The following ANK3 variants were observed in gnomAD, a reference collection of about 807,000 sequenced individuals.
The protein encoded by ANK3 is ankyrin 3.
In ANK3, 57 loss-of-function variants were observed where a neutral mutation model predicts 370.9. That is an observed-to-expected ratio of 0.15 (90% CI 0.12 to 0.19). The LOEUF (loss-of-function observed/expected upper bound fraction) is 0.19, where lower values mean the gene tolerates loss of function less well. Among genes scored for constraint, ANK3 ranks in the 10% least tolerant of loss-of-function variants. ANK3 has a pLI of 1.00. For missense variants in ANK3, 4,439 were observed against 5,302.1 expected, an observed-to-expected ratio of 0.84 and a Z score of 5.06; for synonymous variants, 1,929 against 1,946.3, an observed-to-expected ratio of 0.99 and a Z score of 0.23.
intron 2 of ANK3, among the ~76,000 whole-genome samples, chr10:60,453,989 TAAGTTA>T (rs941656787): frequency 3.3e-5 from 5 of 152,236 alleles, no homozygotes; most frequent in African/African-American, 1.2e-4. Context: ...CTCAACATTT[TAAGTTA>T]AACAATGAAT....
rs75930344 is a variant in ANK3, at chr10:60,446,705, G to C, written c.97-167066C>G. Among the ~76,000 whole-genome samples, 965 of 152,240 alleles carry C rather than the reference G, an allele frequency of 6.3e-3. 20 individuals carry two copies. In the East Asian group the frequency reaches 0.073, roughly 11 times the overall value. On this transcript the variant is annotated intron_variant, in intron 2 of 43. Coordinates refer to the ANK3 transcript ENST00000373827. The stretch of plus-strand genomic sequence containing the variant: ...AGCAATGCCAAGGTTGCTTTCAAAG[G>C]AGCTCCAACTTAAAAAGTTTATTTG...
intron 8 of ANK3, among the ~76,000 whole-genome samples, chr10:60,226,554 A>ACTAT (rs1403236363): frequency 1.9e-4 from 4 of 21,208 alleles, no homozygotes; most frequent in South Asian, 5.3e-3. Context: ...TATATACTAT[A>ACTAT]GTATATATAC....
At chr10:60,249,234 AG>A (rs956940501) in intron 7 of ANK3, among the ~76,000 whole-genome samples, 5 of 152,368 alleles carry the variant, frequency 3.3e-5, no homozygotes, top group Admixed American at 3.3e-4. Context: ...CTCTACTTTG[AG>A]GAAAGTTATT....
At chr10:60,434,304 T>C (rs2064103934) in intron 2 of ANK3, among the ~76,000 whole-genome samples, 1 of 152,212 alleles carries the variant, frequency 6.6e-6, no homozygotes, top group Admixed American at 6.5e-5. Flanking sequence ...CCCTATAGCA[T>C]AGCCCATGTT....
intron 2 of ANK3, among the ~76,000 whole-genome samples, chr10:60,560,562 G>T (rs928805939): frequency 1.3e-5 from 2 of 152,144 alleles, no homozygotes; most frequent in Non-Finnish European, 2.9e-5. Flanking sequence ...AAGACATAGA[G>T]AACAGTTACG....
intron 38 of ANK3, among the ~76,000 whole-genome samples, chr10:60,065,868 A>C (rs570795763): frequency 6.6e-6 from 1 of 152,330 alleles, no homozygotes; most frequent in Admixed American, 6.5e-5. Context: ...AACCACCATC[A>C]TAAGGTACAT....
intron 2 of ANK3, among the ~76,000 whole-genome samples, chr10:60,410,636 A>G (rs2063539832): frequency 6.6e-6 from 1 of 151,950 alleles, no homozygotes; most frequent in Non-Finnish European, 1.5e-5. Context: ...GACATGTGGC[A>G]CCTCCAGGCC....
At chr10:60,528,602 T>G (rs1388497084) in intron 2 of ANK3, among the ~76,000 whole-genome samples, 1 of 152,162 alleles carries the variant, frequency 6.6e-6, no homozygotes, top group Non-Finnish European at 1.5e-5. Context: ...TATATGCATT[T>G]CATATGGTTC....
intron 7 of ANK3, among the ~76,000 whole-genome samples, chr10:60,243,917 C>A (rs1046226440): frequency 6.6e-6 from 1 of 152,092 alleles, no homozygotes; most frequent in Non-Finnish European, 1.5e-5. Flanking sequence ...GGATCAGGAG[C>A]AGCTGAGAGG....
intron 25 of ANK3, among the ~76,000 whole-genome samples, chr10:60,120,127 G>A (rs2093374647): frequency 6.6e-6 from 1 of 152,026 alleles, no homozygotes; most frequent in Non-Finnish European, 1.5e-5. Flanking sequence ...ATAGATCAGT[G>A]GAACACAATA....
At chr10:60,338,639 C>T (rs1000453824) in intron 1 of ANK3, among the ~76,000 whole-genome samples, 8 of 152,098 alleles carry the variant, frequency 5.3e-5, no homozygotes. Flanking sequence ...GAACTATTGC[C>T]TCCCCAATTC....
intron 2 of ANK3, among the ~76,000 whole-genome samples, chr10:60,436,975 T>C (rs1224555269): frequency 6.6e-6 from 1 of 152,208 alleles, no homozygotes; most frequent in Non-Finnish European, 1.5e-5. Context: ...CTTCATCTAG[T>C]CTGTTGTAGA....
In ANK3 at chr10:60,213,513, G is replaced by T; in HGVS notation, c.898-3C>A. On this transcript the variant is annotated splice_polypyrimidine_tract_variant and splice_region_variant and intron_variant, in intron 8 of 43. Coordinates refer to ENST00000280772, the MANE Select transcript of ANK3 (RefSeq NM_020987.5). ...CAGTGCAGTGGTGTCAGACCATCCT[G>T]TTGAACAAAGGAAACATCACCAATT... The T allele has an allele frequency of 1.3e-6, 2 of 1,582,206 alleles. No individual in the cohort carries two copies. Among genetic ancestry groups the T allele is most frequent in the Non-Finnish European group, 1.7e-6 (2 of 1,158,786 alleles).
At chr10:60,091,985 T>A (rs2088641455) in intron 28 of ANK3, among the ~76,000 whole-genome samples, 1 of 152,160 alleles carries the variant, frequency 6.6e-6, no homozygotes, top group African/African-American at 2.4e-5. Context: ...CACCTCAGCC[T>A]CCCAAAGTGC....
chr10:60,038,814 C>T (rs908118252), intron 43 of ANK3, among the ~76,000 whole-genome samples: 3 of 152,132 alleles, frequency 2.0e-5, no homozygotes, highest in Non-Finnish European at 4.4e-5. Context: ...AAAGATCATG[C>T]ACTGATCTAT....
At chr10:60,660,327 G>C (rs984138826) in intron 1 of ANK3, among the ~76,000 whole-genome samples, 1 of 152,100 alleles carries the variant, frequency 6.6e-6, no homozygotes, top group South Asian at 2.1e-4. Context: ...AGGCACTAAG[G>C]ATGCAGAGAG....
At chr10:60,406,720 A>G (rs1405225891) in intron 2 of ANK3, among the ~76,000 whole-genome samples, 1 of 152,250 alleles carries the variant, frequency 6.6e-6, no homozygotes, top group Non-Finnish European at 1.5e-5. Context: ...GGACTGACTT[A>G]GAGTCAAATT....
intron 2 of ANK3, among the ~76,000 whole-genome samples, chr10:60,548,632 A>G (rs2077024680): frequency 6.6e-6 from 1 of 152,114 alleles, no homozygotes; most frequent in Admixed American, 6.6e-5. Flanking sequence ...TACAGACTTA[A>G]GTAGTTAAAT....
chr10:60,469,285 GTGTA>G (rs375212815), intron 2 of ANK3, among the ~76,000 whole-genome samples: 1 of 22 alleles, frequency 0.045, no homozygotes, highest in African/African-American at 0.1. Context: ...TTTTTAGTGT[GTGTA>G]TATATATATA....
Sources: allele counts gnomAD v4.1 joint callset (sites outside exome capture counted in the v4.1 genomes callset), GRCh38; gene constraint gnomAD v4.1.1; transcripts MANE v1.5; gene names NCBI Gene and HGNC (gene_info 2026-07-23, HGNC 2026-07-21).